The following SPR variants were observed in gnomAD, a reference collection of about 807,000 sequenced individuals.
The protein encoded by SPR is Sepiapterin reductase (L-erythro-7,8-dihydrobiopterin forming).
A neutral mutation model predicts 16.0 loss-of-function variants in SPR; 12 were observed. The ratio of observed to expected loss-of-function variants is 0.75; its 90% confidence interval spans 0.48 to 1.22. The LOEUF (loss-of-function observed/expected upper bound fraction) is 1.22, where lower values mean the gene tolerates loss of function less well. Among genes scored for constraint, SPR ranks in the 50% most tolerant of loss-of-function variants. The pLI, the probability that SPR is intolerant of heterozygous loss-of-function variation, is 0.00. For missense variants in SPR, 324 were observed against 344.4 expected (o/e 0.94, Z 0.47); for synonymous variants, 177 against 168.5 (o/e 1.05, Z -0.39).
chr2:72,888,165 G>A, intron 1 of SPR, 149 bp from the exon 2 acceptor site: 1 of 819,958 alleles, frequency 1.2e-6, no homozygotes. Flanking sequence ...TTTCCGCAGA[G>A]CTGGGGAAGA....
rs1049428755 is a variant in SPR, at chr2:72,887,579, G to T, written c.147G>T (p.Gln49His). The change falls in exon 1 of 3, where the codon CAG becomes CAT. Residue 49 changes from glutamine (Q) to histidine (H), a missense_variant. Gln to His is a conservative substitution (Grantham distance 24). Coordinates refer to ENST00000234454, the MANE Select transcript of SPR (RefSeq NM_003124.5). ...LSARNDEALR[Q>H]LEAELGAERS... Reference sequence around the variant, plus strand: ...CCCGCAACGACGAGGCACTGCGCCAGCTGGAGGCCGAGCTGGGCGCCGAGC... The same window carrying T: ...CCCGCAACGACGAGGCACTGCGCCATCTGGAGGCCGAGCTGGGCGCCGAGC... 2 of 1,418,600 alleles carry T rather than the reference G, an allele frequency of 1.4e-6. No homozygotes were observed. The highest frequency in any genetic ancestry group is 3.0e-5 in the African/African-American group (2 of 66,878). The allele number at this position is 1,418,600 out of a possible 1,614,324, so 87.9% of individuals were successfully genotyped here.
At chr2:72,888,681 C>T (rs1250729515) in intron 2 of SPR, 77 bp downstream of exon 2, 2 of 1,455,064 alleles carry the variant, frequency 1.4e-6, no homozygotes, top group Admixed American at 4.8e-5. Context: ...GCGGCCTAGT[C>T]CGCCCCCTCC....
chr2:72,891,326 C>T (rs199876165), intron 2 of SPR, 21 bp from the exon 3 acceptor site: 16 of 1,613,982 alleles, frequency 9.9e-6, no homozygotes, highest in Middle Eastern at 1.7e-4. Flanking sequence ...GTTCCCTCAT[C>T]GTCTCCTTTT....
intron 2 of SPR, among the ~76,000 whole-genome samples, chr2:72,890,543 A>G (rs1003731482): frequency 2.6e-5 from 4 of 151,964 alleles, no homozygotes; most frequent in Middle Eastern, 3.2e-3. Context: ...GGATTTCACC[A>G]TGTTAGCCAG....
At chr2:72,891,240 C>T in intron 2 of SPR, 107 bp from the exon 3 acceptor site, 2 of 1,199,024 alleles carry the variant, frequency 1.7e-6, no homozygotes, top group Non-Finnish European at 1.2e-6. Context: ...GACGTGTTTC[C>T]TCTGGCCAGA....
Position 72,891,719 on chromosome 2 carries a change from G to T in SPR, c.*182G>T, listed in dbSNP as rs1386327004. ...TCCCAGGTCATTGGCCTTACCAGTTGTCAGGAGTCTGTGCTGTGCACCCTG... is the reference window on the plus strand; with the variant it reads ...TCCCAGGTCATTGGCCTTACCAGTTTTCAGGAGTCTGTGCTGTGCACCCTG... On this transcript the variant is annotated 3_prime_UTR_variant, in exon 3 of 3. Transcript: ENST00000234454. The T allele has an allele frequency of 1.4e-6, 1 of 720,382 alleles. No individual in the cohort carries two copies. Among genetic ancestry groups the T allele is most frequent in the East Asian group, 2.7e-5 (1 of 36,920 alleles). 44.6% of individuals were successfully genotyped at this position (720,382 alleles called of 1,614,324 possible).
intron 2 of SPR, among the ~76,000 whole-genome samples, chr2:72,889,130 G>A (rs1670585519): frequency 6.6e-6 from 1 of 152,344 alleles, no homozygotes; most frequent in East Asian, 1.9e-4. Flanking sequence ...ACTAAGGCAA[G>A]CTGCAGGACA....
At position 72,892,084 on chromosome 2, in the gene SPR, G is replaced by C. The variant is rs896693153; in HGVS notation, c.*547G>C. 4.2e-5 allele frequency: 7 copies of C among 166,666 alleles called. No homozygotes were observed. Among genetic ancestry groups the C allele is most frequent in the African/African-American group, 1.2e-4 (5 of 41,818 alleles). 10.3% of individuals were successfully genotyped at this position (166,666 alleles called of 1,614,324 possible). On this transcript the variant is annotated 3_prime_UTR_variant, in exon 3 of 3. Transcript: ENST00000234454. ...TTCAGAATCTACCACCCCTCCCCCAGGCTGGGAGAAGGGGCTCCTGGGTGT... is the reference window on the plus strand; with the variant it reads ...TTCAGAATCTACCACCCCTCCCCCACGCTGGGAGAAGGGGCTCCTGGGTGT...
At position 72,887,423 on chromosome 2, in the gene SPR, G is replaced by C; in HGVS notation, c.-10G>C. On this transcript the variant is annotated 5_prime_UTR_variant, in exon 1 of 3. Transcript: ENST00000234454. ...CTCGGGTGCCAGCGCCGCCGGCGGA[G>C]AACAGGAGCATGGAGGGCGGGCTGG... 2 of 1,483,614 alleles carry C rather than the reference G, an allele frequency of 1.3e-6. No homozygotes were observed. The highest frequency in any genetic ancestry group is 2.6e-5 in the South Asian group (2 of 77,688). 91.9% of individuals were successfully genotyped at this position (1,483,614 alleles called of 1,614,324 possible). A position where few individuals can be genotyped will look rare whatever the true frequency, so the allele number is the denominator to read the frequency against.
chr2:72,888,673 G>T lies in SPR; in HGVS notation c.595+69G>T. On this transcript the variant is annotated intron_variant, in intron 2 of 2. Transcript: ENST00000234454. ...GTGCGCCTCTGGGGGCTGGGCAAGC[G>T]GCCTAGTCCGCCCCCTCCAGGAAAC... 4.7e-6 allele frequency: 7 copies of T among 1,490,490 alleles called. 1 individual carries two copies. The South Asian group carries it at 9.5e-5, about 20-fold the overall frequency. The allele number at this position is 1,490,490 out of a possible 1,614,324, so 92.3% of individuals were successfully genotyped here.
At chr2:72,888,730 C>G in intron 2 of SPR, 126 bp downstream of exon 2, 8 of 1,080,528 alleles carry the variant, frequency 7.4e-6, no homozygotes, top group Non-Finnish European at 1.0e-5. Context: ...GAATCTTGAC[C>G]CATCACCCCT....
chr2:72,888,647 G>A (rs752076878), intron 2 of SPR, 43 bp downstream of exon 2: 1 of 1,553,086 alleles, frequency 6.4e-7, no homozygotes, highest in Non-Finnish European at 8.7e-7. Flanking sequence ...AGAACCCACT[G>A]GTGCGCCTCT....
At chr2:72,889,017 AC>A (rs1670582986) in intron 2 of SPR, among the ~76,000 whole-genome samples, 1 of 152,206 alleles carries the variant, frequency 6.6e-6, no homozygotes, top group African/African-American at 2.4e-5. Flanking sequence ...AGGACTGACC[AC>A]ACTGTATTGT....
At chr2:72,890,226 T>TC (rs1188465182) in intron 2 of SPR, among the ~76,000 whole-genome samples, 1 of 152,084 alleles carries the variant, frequency 6.6e-6, no homozygotes, top group Non-Finnish European at 1.5e-5. Context: ...GCCTGTAGAG[T>TC]AGGTGTGCCC....
Position 72,887,442 on chromosome 2 carries a change from G to A in SPR, c.10G>A (p.Gly4Arg), listed in dbSNP as rs2105239914. The A allele has an allele frequency of 6.7e-7, 1 of 1,500,216 alleles. No homozygotes were observed. The highest frequency in any genetic ancestry group is 8.8e-7 in the Non-Finnish European group (1 of 1,130,584). The allele number at this position is 1,500,216 out of a possible 1,614,324, so 92.9% of individuals were successfully genotyped here. A position where few individuals can be genotyped will look rare whatever the true frequency, so the allele number is the denominator to read the frequency against. MEG[G>R]LGRAVCLLTG... is the part of the protein sequence containing the mutation. The stretch of plus-strand genomic sequence containing the variant: ...GGCGGAGAACAGGAGCATGGAGGGC[G>A]GGCTGGGGCGTGCTGTGTGCTTGCT... Residue 4 changes from glycine (G) to arginine (R), a missense_variant, in exon 1 of 3, where the codon GGG becomes AGG. Coordinates refer to ENST00000234454, the MANE Select transcript of SPR (RefSeq NM_003124.5).
Position 72,888,501 on chromosome 2 carries a change from CAAAGGCTGGGCGCTGTACTGTGCAGG to C in SPR, c.501_526del (p.Trp167CysfsTer3). On this transcript the variant is annotated frameshift_variant, in exon 2 of 3. Coordinates refer to ENST00000234454, the MANE Select transcript of SPR (RefSeq NM_003124.5). LOFTEE classifies it high-confidence loss of function. ...CGTCCCTCTGTGCCCTGCAACCTTTCAAAGGCTGGGCGCTGTACTGTGCAGGAAAGGCTGCTCGTGATATGCTGTTC... is the reference window on the plus strand; with the variant it reads ...CGTCCCTCTGTGCCCTGCAACCTTTCAAAGGCTGCTCGTGATATGCTGTTC... 3.7e-6 allele frequency: 6 copies of C among 1,613,600 alleles called. No individual in the cohort carries two copies. The highest frequency in any genetic ancestry group is 4.2e-6 in the Non-Finnish European group (5 of 1,179,764).
rs1441461216 is a variant in SPR at position 72,891,414 on chromosome 2, G to T, written c.663G>T (p.Gly221=). The change falls in exon 3 of 3, where the codon GGG becomes GGT. Residue 221 remains glycine, a synonymous_variant. Transcript: ENST00000234454. The stretch of plus-strand genomic sequence containing the variant: ...CCGTGGACCCAGACATGCGAAAAGG[G>T]CTGCAGGAGCTGAAGGCAAAGGGGA... ...ETSVDPDMRK[G]LQELKAKGKL... is the part of the protein sequence containing the mutation. The T allele has an allele frequency of 6.2e-7, 1 of 1,614,250 alleles. No homozygotes were observed. Among genetic ancestry groups the T allele is most frequent in the East Asian group, 2.2e-5 (1 of 44,888 alleles).
chr2:72,888,268 G>C, intron 1 of SPR, 46 bp from the exon 2 acceptor site: 2 of 1,604,280 alleles, frequency 1.2e-6, no homozygotes. Flanking sequence ...TGGGGAAGAA[G>C]AAAGCCCCGC....
At position 72,891,837 on chromosome 2, in the gene SPR, C is replaced by A; in HGVS notation, c.*300C>A. On this transcript the variant is annotated 3_prime_UTR_variant, in exon 3 of 3. Transcript: ENST00000234454. ...GGGGTGGGAAGAACAGGAAAAGAAG[C>A]TGGAACACAGAAGAGAGGAGGTTGT... 1 of 448,650 alleles carries A rather than the reference C, an allele frequency of 2.2e-6. No homozygotes were observed. The highest frequency in any genetic ancestry group is 4.1e-6 in the Non-Finnish European group (1 of 242,316). 27.8% of individuals were successfully genotyped at this position (448,650 alleles called of 1,614,324 possible). A position where few individuals can be genotyped will look rare whatever the true frequency, so the allele number is the denominator to read the frequency against.
Sources: allele counts gnomAD v4.1 joint callset (sites outside exome capture counted in the v4.1 genomes callset), GRCh38; gene constraint gnomAD v4.1.1; transcripts MANE v1.5; gene names NCBI Gene and HGNC (gene_info 2026-07-23, HGNC 2026-07-21).